Variants in USP16 observed in about 807,000 individuals in gnomAD.
The protein encoded by USP16 is ubiquitin carboxyl-terminal hydrolase 16.
In USP16, 77 loss-of-function variants were observed where a neutral mutation model predicts 95.9. That is an observed-to-expected ratio of 0.80 (90% CI 0.67 to 0.97). USP16 has a LOEUF of 0.97. USP16 is among the 50% of genes least tolerant of loss of function. The pLI is 0.00. For synonymous variants in USP16, 303 were observed against 318.2 expected, an observed-to-expected ratio of 0.95 and a Z score of 0.51; for missense variants, 943 against 959.9, an observed-to-expected ratio of 0.98 and a Z score of 0.23.
rs2085449882 is a variant in USP16 at position 29,053,645 on chromosome 21, CT to C, written c.2194-156del. The C allele has an allele frequency of 4.5e-6, 3 of 669,360 alleles. No individual in the cohort carries two copies. In the African/African-American group the frequency reaches 5.4e-5, roughly 12 times the overall value. 41.5% of individuals were successfully genotyped at this position (669,360 alleles called of 1,614,324 possible). A position where few individuals can be genotyped will look rare whatever the true frequency, so the allele number is the denominator to read the frequency against. On this transcript the variant is annotated intron_variant, in intron 16 of 17. Coordinates refer to ENST00000399976, the MANE Select transcript of USP16 (RefSeq NM_006447.3). ...ATAATAAAAACAGAAGTGTCTCAGG[CT>C]GAGAAGAGGTATGGAGAAAAGAGTA... is the stretch of plus-strand genomic sequence containing the variant.
intron 1 of USP16, 154 bp downstream of exon 1, chr21:29,024,931 C>T (rs2084963204): frequency 1.3e-6 from 1 of 764,958 alleles, no homozygotes; most frequent in Non-Finnish European, 1.8e-6. Flanking sequence ...ATCTCATTGG[C>T]TGCATGTTCT....
chr21:29,041,123 G>A (rs1486337343), intron 10 of USP16, among the ~76,000 whole-genome samples: 2 of 152,082 alleles, frequency 1.3e-5, no homozygotes, highest in African/African-American at 2.4e-5. Context: ...AACTAGGCAC[G>A]TGTGGCGCCT....
intron 13 of USP16, among the ~76,000 whole-genome samples, chr21:29,046,194 G>T (rs920316917): frequency 6.6e-6 from 1 of 152,132 alleles, no homozygotes; most frequent in Non-Finnish European, 1.5e-5. Flanking sequence ...GGAGTATAGT[G>T]TGCATGATCA....
At chr21:29,032,914 C>A (rs1034187501) in intron 3 of USP16, among the ~76,000 whole-genome samples, 1 of 152,170 alleles carries the variant, frequency 6.6e-6, no homozygotes, top group Non-Finnish European at 1.5e-5. Context: ...GATTCACTTT[C>A]ACTTTTTCTT....
chr21:29,036,271 G>T lies in USP16; in HGVS notation c.345G>T (p.Trp115Cys). ...TTCATCTCTGATTTTTGGGTCACAG[G>T]TGTTACGTATGTGATAATGAGGTCC... ...LVLSLDNWSVWCYVCDNEVQY... is the reference protein window; with the variant it reads ...LVLSLDNWSVCCYVCDNEVQY... The change falls in exon 5 of 18, where the codon TGG becomes TGT. Residue 115 changes from tryptophan (W) to cysteine (C), a missense_variant and splice_region_variant. Coordinates refer to ENST00000399976, the MANE Select transcript of USP16 (RefSeq NM_006447.3). The T allele has an allele frequency of 1.9e-6, 3 of 1,603,426 alleles. No homozygotes were observed. Among genetic ancestry groups the T allele is most frequent in the African/African-American group, 1.3e-5 (1 of 74,766 alleles).
At chr21:29,029,480 G>A (rs1460458990) in intron 2 of USP16, among the ~76,000 whole-genome samples, 2 of 152,120 alleles carry the variant, frequency 1.3e-5, no homozygotes, top group Admixed American at 1.3e-4. Flanking sequence ...ACTGAGATTT[G>A]GTAGTTTTTC....
chr21:29,039,982 G>A (rs962731793), intron 9 of USP16, among the ~76,000 whole-genome samples: 1 of 152,120 alleles, frequency 6.6e-6, no homozygotes, highest in African/African-American at 2.4e-5. Context: ...AACATTGGTT[G>A]CATTTTAAAA....
chr21:29,033,071 C>A (rs1252617464), intron 3 of USP16, among the ~76,000 whole-genome samples: 1 of 152,026 alleles, frequency 6.6e-6, no homozygotes, highest in East Asian at 1.9e-4. Context: ...TAATTGTAAC[C>A]TTTTAAATAC....
At position 29,047,217 on chromosome 21, in the gene USP16, G is replaced by A. The variant is rs1240921529; in HGVS notation, c.1907G>A (p.Cys636Tyr). ...FNTDECSIQH[C>Y]LYQFTRNEKL... ...ACTGATGAGTGTTCAATCCAACATT[G>A]TTTATATCAGTTCACCCGTAATGAG... The change falls in exon 14 of 18, where the codon TGT (cysteine) becomes TAT (tyrosine). Residue 636 changes from cysteine (C) to tyrosine (Y), a missense_variant. Physicochemically the swap from Cys to Tyr is radical, Grantham distance 194. Transcript: ENST00000399976. 2 of 1,613,998 alleles carry A rather than the reference G, an allele frequency of 1.2e-6. No individual in the cohort carries two copies. Among genetic ancestry groups the A allele is most frequent in the African/African-American group, 2.7e-5 (2 of 74,916 alleles).
At chr21:29,029,355 G>A (rs2146359765) in intron 2 of USP16, among the ~76,000 whole-genome samples, 1 of 152,326 alleles carries the variant, frequency 6.6e-6, no homozygotes, top group South Asian at 2.1e-4. Flanking sequence ...GGAGCTTGCA[G>A]TGAGCCGAGA....
chr21:29,048,338 C>T (rs2085362556), intron 14 of USP16, among the ~76,000 whole-genome samples: 1 of 152,036 alleles, frequency 6.6e-6, no homozygotes, highest in African/African-American at 2.4e-5. Flanking sequence ...CCGCCTAGGC[C>T]TCCCAAAGTC....
At chr21:29,044,664 C>T (rs556972599) in intron 13 of USP16, among the ~76,000 whole-genome samples, 1 of 152,218 alleles carries the variant, frequency 6.6e-6, no homozygotes, top group South Asian at 2.1e-4. Context: ...TCAGGCTGGT[C>T]TCTAACTCCT....
chr21:29,043,790 G>A (rs901890113), intron 13 of USP16, among the ~76,000 whole-genome samples, 191 bp downstream of exon 13: 3 of 152,022 alleles, frequency 2.0e-5, no homozygotes, highest in South Asian at 2.1e-4. Context: ...AGAAAACGTC[G>A]TGCTTCTTTT....
rs1052580728 is a variant in USP16, at chr21:29,034,462, G to A, written c.241-375G>A. Among the ~76,000 whole-genome samples, 5 of 151,948 alleles carry A rather than the reference G, an allele frequency of 3.3e-5. No individual in the cohort carries two copies. In the South Asian group the frequency reaches 6.2e-4, roughly 19 times the overall value. The stretch of plus-strand genomic sequence containing the variant: ...TAATTAGCTGGGATTACAGATGTGC[G>A]CCACCACACCCGGCTAATTTTTGTA... On this transcript the variant is annotated intron_variant, in intron 3 of 17. Coordinates refer to ENST00000399976, the MANE Select transcript of USP16 (RefSeq NM_006447.3).
rs902770956 is a variant in USP16, at chr21:29,038,910, T to G, written c.733-116T>G. On this transcript the variant is annotated intron_variant, in intron 7 of 17. Coordinates refer to ENST00000399976, the MANE Select transcript of USP16 (RefSeq NM_006447.3). ...CTCTTTTGATGTACATTTTAAACTTTTAAATGGGGCAGTTCTGTCAGGAAC... is the reference window on the plus strand; with the variant it reads ...CTCTTTTGATGTACATTTTAAACTTGTAAATGGGGCAGTTCTGTCAGGAAC... 13 of 1,094,748 alleles carry G rather than the reference T, an allele frequency of 1.2e-5. No homozygotes were observed. In the African/African-American group the frequency reaches 2.1e-4, roughly 18 times the overall value. The allele number at this position is 1,094,748 out of a possible 1,614,324, so 67.8% of individuals were successfully genotyped here. A position where few individuals can be genotyped will look rare whatever the true frequency, so the allele number is the denominator to read the frequency against.
Position 29,054,124 on chromosome 21 carries a change from T to G in USP16, c.2409T>G (p.Ala803=). The change falls in exon 18 of 18, where the codon GCT becomes GCG. Residue 803 remains alanine (A), a synonymous_variant. Coordinates refer to ENST00000399976, the MANE Select transcript of USP16 (RefSeq NM_006447.3). ...WFHISDTHVQ[A]VPTTKVLNSQ... is the part of the protein sequence containing the mutation. ...ACATCAGCGACACACATGTGCAAGCTGTGCCTACAACTAAAGTACTAAACT... is the reference window on the plus strand; with the variant it reads ...ACATCAGCGACACACATGTGCAAGCGGTGCCTACAACTAAAGTACTAAACT... 6.2e-7 allele frequency: 1 copy of G among 1,614,272 alleles called. No individual in the cohort carries two copies. The highest frequency in any genetic ancestry group is 2.2e-5 in the East Asian group (1 of 44,892).
chr21:29,037,196 C>G, intron 5 of USP16, 80 bp from the exon 6 acceptor site: 1 of 925,274 alleles, frequency 1.1e-6, no homozygotes, highest in Non-Finnish European at 1.5e-6. Flanking sequence ...CTCACAAACT[C>G]TAGTACTGTT....
At chr21:29,033,487 A>G (rs1333958835) in intron 3 of USP16, among the ~76,000 whole-genome samples, 1 of 152,260 alleles carries the variant, frequency 6.6e-6, no homozygotes, top group African/African-American at 2.4e-5. Flanking sequence ...CCAAAAGTTG[A>G]TAGACTGGTT....
intron 3 of USP16, among the ~76,000 whole-genome samples, chr21:29,033,487 A>T (rs1333958835): frequency 6.6e-6 from 1 of 152,260 alleles, no homozygotes; most frequent in Non-Finnish European, 1.5e-5. Context: ...CCAAAAGTTG[A>T]TAGACTGGTT....
Sources: allele counts gnomAD v4.1 joint callset (sites outside exome capture counted in the v4.1 genomes callset), GRCh38; gene constraint gnomAD v4.1.1; transcripts MANE v1.5; gene names NCBI Gene and HGNC (gene_info 2026-07-23, HGNC 2026-07-21).